The following GCHFR variants were observed in gnomAD, a reference collection of about 807,000 sequenced individuals.
The protein encoded by GCHFR is GTP cyclohydrolase I feedback regulator.
Under a neutral mutation model 10.6 loss-of-function variants are expected in GCHFR, and 12 were observed. The observed-to-expected ratio is 1.13, with a 90% CI of 0.72 to 1.83. GCHFR has a LOEUF of 1.83. GCHFR is among the 40% of genes most tolerant of loss of function. GCHFR has a pLI of 0.00. For synonymous variants in GCHFR, 54 were observed against 43.7 expected, an observed-to-expected ratio of 1.24 and a Z score of -0.93; for missense variants, 116 against 110.6, an observed-to-expected ratio of 1.05 and a Z score of -0.22.
rs1438563521 is a variant in GCHFR, at chr15:40,767,285, G to A, written c.191G>A (p.Gly64Asp). The change falls in exon 3 of 3, where the codon GGC (glycine) becomes GAC (aspartate). Residue 64 changes from glycine to aspartate, a missense_variant. Coordinates refer to ENST00000260447, the MANE Select transcript of GCHFR (RefSeq NM_005258.3). ...RIVLDKLERRGFRVLSMTGVG... is the reference protein window; with the variant it reads ...RIVLDKLERRDFRVLSMTGVG... ...GTCCTGGACAAGCTGGAACGCAGGG[G>A]CTTCCGTGTGCTGAGCATGACGGGG... is the stretch of plus-strand genomic sequence containing the variant. The A allele has an allele frequency of 1.2e-6, 2 of 1,604,012 alleles. No homozygotes were observed. The highest frequency in any genetic ancestry group is 1.7e-5 in the Admixed American group (1 of 58,938).
In GCHFR at chr15:40,767,248, C is replaced by T. The variant is rs759815106; in HGVS notation, c.154C>T (p.Pro52Ser). The change falls in exon 3 of 3, where the codon CCT (proline) becomes TCT (serine). Residue 52 changes from proline (P) to serine (S), a missense_variant. Coordinates refer to ENST00000260447, the MANE Select transcript of GCHFR (RefSeq NM_005258.3). Reference protein sequence around the residue: ...NNFYEYYVDDPPRIVLDKLER... With the variant: ...NNFYEYYVDDSPRIVLDKLER... ...CAGTTATGAATACTACGTCGATGAC[C>T]CTCCCCGCATAGTCCTGGACAAGCT... The T allele has an allele frequency of 6.3e-7, 1 of 1,580,566 alleles. No homozygotes were observed. Among genetic ancestry groups the T allele is most frequent in the East Asian group, 2.4e-5 (1 of 41,676 alleles).
Position 40,767,684 on chromosome 15 carries a change from A to G in GCHFR, c.*335A>G. On this transcript the variant is annotated 3_prime_UTR_variant, in exon 3 of 3. Transcript: ENST00000260447. The stretch of plus-strand genomic sequence containing the variant: ...GCGTGGCTCCTGCATAGCTAGCCCA[A>G]GCCAATAAAGGGCTGTGATGAGTGG... 3.3e-6 allele frequency: 2 copies of G among 611,174 alleles called. No individual in the cohort carries two copies. The highest frequency in any genetic ancestry group is 5.5e-6 in the Non-Finnish European group (2 of 366,878). 37.9% of individuals were successfully genotyped at this position (611,174 alleles called of 1,614,324 possible).
Position 40,767,235 on chromosome 15 carries a change from C to A in GCHFR, c.141C>A (p.Tyr47Ter). Residue 47 changes from tyrosine to a stop codon, truncating the protein, a stop_gained, in exon 3 of 3, where the codon TAC (tyrosine) becomes TAA (stop). Transcript: ENST00000260447. LOFTEE classifies it high-confidence loss of function. ...TCCTGTCTCTTTGCAGTTATGAATA[C>A]TACGTCGATGACCCTCCCCGCATAG... ...RRALGNNFYE[Y>*]YVDDPPRIVL... The A allele has an allele frequency of 6.4e-7, 1 of 1,561,604 alleles. No homozygotes were observed.
At chr15:40,764,261 AG>A in intron 1 of GCHFR, 45 bp downstream of exon 1, 3 of 1,518,590 alleles carry the variant, frequency 2.0e-6, no homozygotes, top group Non-Finnish European at 1.8e-6. Flanking sequence ...ACCAGGCCCT[AG>A]GGGGCTGCGA....
rs1462059057 is a variant in GCHFR at position 40,767,532 on chromosome 15, G to T, written c.*183G>T. The T allele has an allele frequency of 3.4e-5, 24 of 699,812 alleles. No homozygotes were observed. Among genetic ancestry groups the T allele is most frequent in the Non-Finnish European group, 5.1e-5 (23 of 450,408 alleles). The allele number at this position is 699,812 out of a possible 1,614,324, so 43.4% of individuals were successfully genotyped here. On this transcript the variant is annotated 3_prime_UTR_variant, in exon 3 of 3. Coordinates refer to ENST00000260447, the MANE Select transcript of GCHFR (RefSeq NM_005258.3). ...AACCCTGCGTCAAGCAGTGGGAGAG[G>T]GCAGTGCCCGGTGCCCTGGTGCTCC... is the stretch of plus-strand genomic sequence containing the variant.
At chr15:40,764,443 C>CG (rs2046137625) in intron 1 of GCHFR, 1 of 475,498 alleles carries the variant, frequency 2.1e-6, no homozygotes, top group Non-Finnish European at 3.7e-6. Flanking sequence ...CGAAGGGGCC[C>CG]GGGTACGTGC....
chr15:40,766,636 A>G (rs1888956778), intron 2 of GCHFR: 1 of 152,258 alleles, frequency 6.6e-6, no homozygotes, highest in African/African-American at 2.4e-5. Flanking sequence ...TGTCTGCTTC[A>G]TGGTCTTTCA....
chr15:40,766,951 C>G (rs193149234), intron 2 of GCHFR: 4 of 260,940 alleles, frequency 1.5e-5, no homozygotes, highest in Non-Finnish European at 2.9e-5. Flanking sequence ...CCATCTGGGA[C>G]GCTGGGGAAC....
Position 40,767,622 on chromosome 15 carries a change from G to GC in GCHFR, c.*277dup. 1.7e-6 allele frequency: 1 copy of GC among 580,322 alleles called. No homozygotes were observed. The highest frequency in any genetic ancestry group is 3.6e-5 in the Admixed American group (1 of 27,820). 35.9% of individuals were successfully genotyped at this position (580,322 alleles called of 1,614,324 possible). A position where few individuals can be genotyped will look rare whatever the true frequency, so the allele number is the denominator to read the frequency against. On this transcript the variant is annotated 3_prime_UTR_variant, in exon 3 of 3. Coordinates refer to ENST00000260447, the MANE Select transcript of GCHFR (RefSeq NM_005258.3). ...TGTAGGCCATGTTCCTCGGGCAGCT[G>GC]CCCCGGGCCGGAGCTGGGCACTCCA...
At chr15:40,765,540 G>T (rs566519728) in intron 1 of GCHFR, 9 of 243,918 alleles carry the variant, frequency 3.7e-5, no homozygotes, top group African/African-American at 1.8e-4. Flanking sequence ...CCCACCTCAA[G>T]CGATCCTCCC....
At chr15:40,766,097 CCT>C (rs1311799861) in intron 2 of GCHFR, 176 bp downstream of exon 2, 1 of 433,232 alleles carries the variant, frequency 2.3e-6, no homozygotes, top group South Asian at 4.6e-5. Flanking sequence ...CAACATCCCC[CCT>C]CTCCCCCACG....
chr15:40,764,097 G>A lies in GCHFR; in HGVS notation c.-84G>A, dbSNP rs1004117474. 7.6e-7 allele frequency: 1 copy of A among 1,315,726 alleles called. No homozygotes were observed. 81.5% of individuals were successfully genotyped at this position (1,315,726 alleles called of 1,614,324 possible). A position where few individuals can be genotyped will look rare whatever the true frequency, so the allele number is the denominator to read the frequency against. The stretch of plus-strand genomic sequence containing the variant: ...CCGGAGTAACGGGACTCCCAGCTGC[G>A]CGTCGCAGTCCCGACGCGAGAAGGG... On this transcript the variant is annotated 5_prime_UTR_variant, in exon 1 of 3. Coordinates refer to ENST00000260447, the MANE Select transcript of GCHFR (RefSeq NM_005258.3).
intron 2 of GCHFR, 41 bp from the exon 3 acceptor site, chr15:40,767,185 T>C: frequency 4.1e-6 from 6 of 1,454,318 alleles, no homozygotes; most frequent in Non-Finnish European, 5.5e-6. Flanking sequence ...AGGAGCTTGC[T>C]GTGTGCCCCT....
At position 40,767,605 on chromosome 15, in the gene GCHFR, A is replaced by G. The variant is rs1329072949; in HGVS notation, c.*256A>G. 5.1e-6 allele frequency: 3 copies of G among 585,524 alleles called. No homozygotes were observed. The highest frequency in any genetic ancestry group is 3.9e-5 in the African/African-American group (2 of 51,712). 36.3% of individuals were successfully genotyped at this position (585,524 alleles called of 1,614,324 possible). On this transcript the variant is annotated 3_prime_UTR_variant, in exon 3 of 3. Coordinates refer to ENST00000260447, the MANE Select transcript of GCHFR (RefSeq NM_005258.3). ...CTGGGCCGAGGGCCTTGTGTAGGCC[A>G]TGTTCCTCGGGCAGCTGCCCCGGGC...
chr15:40,767,042 G>A, intron 2 of GCHFR, 184 bp from the exon 3 acceptor site: 1 of 480,116 alleles, frequency 2.1e-6, no homozygotes, highest in Non-Finnish European at 3.6e-6. Context: ...GAATAAATGA[G>A]ATAGCTCGTG....
In GCHFR at chr15:40,767,659, G is replaced by T. The variant is rs943638038; in HGVS notation, c.*310G>T. 2.1e-5 allele frequency: 12 copies of T among 585,108 alleles called. No individual in the cohort carries two copies. Among genetic ancestry groups the T allele is most frequent in the East Asian group, 1.3e-4 (4 of 31,414 alleles). 36.2% of individuals were successfully genotyped at this position (585,108 alleles called of 1,614,324 possible). ...AGCTGGGCACTCCAGCGGCCCTGGC[G>T]CGTGGCTCCTGCATAGCTAGCCCAA... On this transcript the variant is annotated 3_prime_UTR_variant, in exon 3 of 3. Transcript: ENST00000260447.
In GCHFR at chr15:40,767,365, T is replaced by C. The variant is rs1486840148; in HGVS notation, c.*16T>C. On this transcript the variant is annotated 3_prime_UTR_variant, in exon 3 of 3. Coordinates refer to ENST00000260447, the MANE Select transcript of GCHFR (RefSeq NM_005258.3). ...CAAGGAGTGACCTTCTCATGCTGAT[T>C]TGCAGACGGGGCACCCCTGTGGAGG... is the stretch of plus-strand genomic sequence containing the variant. 3 of 1,591,286 alleles carry C rather than the reference T, an allele frequency of 1.9e-6. No individual in the cohort carries two copies. Among genetic ancestry groups the C allele is most frequent in the Non-Finnish European group, 2.6e-6 (3 of 1,169,892 alleles).
intron 2 of GCHFR, chr15:40,766,511 G>A (rs1216681085): frequency 6.6e-6 from 1 of 152,298 alleles, no homozygotes; most frequent in Admixed American, 6.5e-5. Context: ...TTCAAATCGG[G>A]GAAAGAGGAG....
chr15:40,765,834 G>A lies in GCHFR; in HGVS notation c.44G>A (p.Gly15Asp), dbSNP rs781698990. ...LISTQIRMEV[G>D]PTMVGDEQSD... ...CTGTGGCTTACCTTGCAGGAGGTGG[G>A]CCCCACTATGGTGGGCGATGAACAG... Residue 15 changes from glycine (G) to aspartate (D), a missense_variant, in exon 2 of 3, where the codon GGC becomes GAC. Transcript: ENST00000260447. The A allele has an allele frequency of 1.3e-6, 2 of 1,549,634 alleles. No homozygotes were observed. The highest frequency in any genetic ancestry group is 1.8e-6 in the Non-Finnish European group (2 of 1,136,120).
Sources: allele counts gnomAD v4.1 joint callset, GRCh38; gene constraint gnomAD v4.1.1; transcripts MANE v1.5; gene names NCBI Gene and HGNC (gene_info 2026-07-23, HGNC 2026-07-21).